Variants in RAB15 observed in about 807,000 individuals in gnomAD.
RAB15 encodes RAB15, member RAS oncogene family, also known as ras-related protein Rab-15.
In RAB15, 13 loss-of-function variants were observed where a neutral mutation model predicts 31.8. The ratio of observed to expected loss-of-function variants is 0.41; its 90% CI spans 0.27 to 0.65. The LOEUF (loss-of-function observed/expected upper bound fraction) is 0.65, where lower values mean the gene tolerates loss of function less well. Ranked by LOEUF, RAB15 falls within the 30% of genes least tolerant of loss-of-function variation. RAB15 has a pLI of 0.32. For synonymous variants in RAB15, 100 were observed against 105.6 expected (o/e 0.95, Z 0.33); for missense variants, 220 against 277.3 (o/e 0.79, Z 1.47).
At position 64,948,829 on chromosome 14, in the gene RAB15, G is replaced by T; in HGVS notation, c.415-96C>A. ...CTTCTGCCACTGCACTCACAACCAT[G>T]CTGTGTTGTGACGATTTCTCAGAGT... On this transcript the variant is annotated intron_variant, in intron 5 of 6. Transcript: ENST00000533601. This position sits in a 1 kb window ranked among gnomAD's most constrained non-coding sequence, Gnocchi z 7.0. 2 of 1,063,432 alleles carry T rather than the reference G, an allele frequency of 1.9e-6. No individual in the cohort carries two copies. Among genetic ancestry groups the T allele is most frequent in the East Asian group, 2.5e-5 (1 of 40,064 alleles). The allele number at this position is 1,063,432 out of a possible 1,614,324, so 65.9% of individuals were successfully genotyped here.
chr14:64,961,280 G>C (rs957293154), intron 1 of RAB15, among the ~76,000 whole-genome samples: 1 of 152,200 alleles, frequency 6.6e-6, no homozygotes, highest in South Asian at 2.1e-4. Flanking sequence ...GGTTGTGGCA[G>C]GAGGTCACCT....
rs372761807 is a variant in RAB15 at position 64,971,930 on chromosome 14, C to A, written c.124+23G>T. On this transcript the variant is annotated intron_variant, in intron 1 of 6. Transcript: ENST00000533601. The surrounding 1 kb of genome is among the most constrained non-coding windows in gnomAD (Gnocchi z 4.1). The stretch of plus-strand genomic sequence containing the variant: ...GGGGCCGCGGGCGGGGAGGGAGGGG[C>A]GCCCCGGGCCACCGCCCCTTACCGA... The A allele has an allele frequency of 3.2e-6, 5 of 1,546,742 alleles. No individual in the cohort carries two copies. In the African/African-American group the frequency reaches 6.9e-5, roughly 21 times the overall value.
Position 64,952,427 on chromosome 14 carries a change from G to A in RAB15, c.185+84C>T, listed in dbSNP as rs1886305879. On this transcript the variant is annotated intron_variant, in intron 2 of 6. Coordinates refer to ENST00000533601, the MANE Select transcript of RAB15 (RefSeq NM_001308154.2). The surrounding 1 kb of genome is among the most constrained non-coding windows in gnomAD (Gnocchi z 4.2). ...GCCAGTTATCCCAGGTGAAGCCTAGGAATTTTACACATGGCAGGGGCAGCT... is the reference window on the plus strand; with the variant it reads ...GCCAGTTATCCCAGGTGAAGCCTAGAAATTTTACACATGGCAGGGGCAGCT... The A allele has an allele frequency of 1.9e-6, 2 of 1,042,610 alleles. No homozygotes were observed. Among genetic ancestry groups the A allele is most frequent in the African/African-American group, 1.6e-5 (1 of 62,254 alleles). 64.6% of individuals were successfully genotyped at this position (1,042,610 alleles called of 1,614,324 possible).
In RAB15 at chr14:64,950,532, G is replaced by A. The variant is rs995388254; in HGVS notation, c.325-118C>T. 1.5e-5 allele frequency: 13 copies of A among 873,394 alleles called. No homozygotes were observed. Among genetic ancestry groups the A allele is most frequent in the Non-Finnish European group, 2.5e-5 (13 of 526,586 alleles). The allele number at this position is 873,394 out of a possible 1,614,324, so 54.1% of individuals were successfully genotyped here. On this transcript the variant is annotated intron_variant, in intron 4 of 6. Transcript: ENST00000533601. This position sits in a 1 kb window ranked among gnomAD's most constrained non-coding sequence, Gnocchi z 5.6. ...ATTCCAGAGCCCTAGGGACAGGGTG[G>A]GCCGACTGGATGCAGGTGCCAGGCT...
chr14:64,948,299 G>C lies in RAB15; in HGVS notation c.*55C>G. The C allele has an allele frequency of 6.9e-7, 1 of 1,442,792 alleles. No homozygotes were observed. The highest frequency in any genetic ancestry group is 9.1e-7 in the Non-Finnish European group (1 of 1,100,556). The allele number at this position is 1,442,792 out of a possible 1,614,324, so 89.4% of individuals were successfully genotyped here. The stretch of plus-strand genomic sequence containing the variant: ...GGGCAAAGCCCCGGCTCCCCTGTCT[G>C]CCCACGGGCCTCCTGAGGGAAGAGG... On this transcript the variant is annotated 3_prime_UTR_variant, in exon 7 of 7. Transcript: ENST00000533601. The surrounding 1 kb of genome is among the most constrained non-coding windows in gnomAD (Gnocchi z 7.0).
chr14:64,960,528 A>AGCCAGTTAGCCTATCTTT (rs1886800787), intron 1 of RAB15, among the ~76,000 whole-genome samples: 2 of 152,220 alleles, frequency 1.3e-5, no homozygotes, highest in Non-Finnish European at 2.9e-5. Flanking sequence ...GTGTTGGGGA[A>AGCCAGTTAGCCTATCTTT]GCCAGTTAGC....
chr14:64,961,373 CTG>C (rs1275045144), intron 1 of RAB15, among the ~76,000 whole-genome samples: 2 of 152,208 alleles, frequency 1.3e-5, no homozygotes, highest in Admixed American at 1.3e-4. Flanking sequence ...TATGGTTTGG[CTG>C]TGTCCTCACC....
intron 5 of RAB15, among the ~76,000 whole-genome samples, chr14:64,949,994 A>G (rs1186696585): frequency 6.6e-6 from 1 of 152,170 alleles, no homozygotes; most frequent in Non-Finnish European, 1.5e-5. Context: ...GGATGCTGTC[A>G]GAGAAGAGGT....
intron 1 of RAB15, among the ~76,000 whole-genome samples, chr14:64,959,221 C>A (rs920516404): frequency 1.3e-5 from 2 of 152,154 alleles, no homozygotes; most frequent in African/African-American, 4.8e-5. Context: ...GGGTCCAGAC[C>A]AGACTCCAAG....
rs1373348631 is a variant in RAB15 at position 64,953,290 on chromosome 14, T to A, written c.125-719A>T. 6.6e-6 allele frequency among the ~76,000 whole-genome samples: 1 copy of A among 152,218 alleles called. No individual in the cohort carries two copies. Among genetic ancestry groups the A allele is most frequent in the Non-Finnish European group, 1.5e-5 (1 of 68,026 alleles). ...GCACCTTGCTTCACTGAGCGTCCAT[T>A]TCTGCCTCAGTAAATATCTTCATCA... On this transcript the variant is annotated intron_variant, in intron 1 of 6. Transcript: ENST00000533601. This position sits in a 1 kb window ranked among gnomAD's most constrained non-coding sequence, Gnocchi z 4.6.
chr14:64,949,611 T>A (rs1886117375), intron 5 of RAB15, among the ~76,000 whole-genome samples: 1 of 151,292 alleles, frequency 6.6e-6, no homozygotes, highest in African/African-American at 2.4e-5. Flanking sequence ...TAATCTCAGC[T>A]ACTTGGGAGG....
Position 64,950,339 on chromosome 14 carries a change from C to T in RAB15, c.400G>A (p.Glu134Lys). 1.2e-6 allele frequency: 2 copies of T among 1,614,132 alleles called. No homozygotes were observed. The highest frequency in any genetic ancestry group is 2.2e-5 in the East Asian group (1 of 44,884). ...DEEQKRQVGR[E>K]QGQQLAKEYG... ...CCTCCACTTACCTGCTGCCCTTGCT[C>T]TCTTCCCACCTGCCGTTTCTGCTCC... Residue 134 changes from glutamate to lysine, a missense_variant, in exon 5 of 7, where the codon GAG (glutamate) becomes AAG (lysine). Transcript: ENST00000533601. This position sits in a 1 kb window ranked among gnomAD's most constrained non-coding sequence, Gnocchi z 5.6.
rs4902351 is a variant in RAB15 at position 64,955,773 on chromosome 14, C to G, written c.125-3202G>C. Among the ~76,000 whole-genome samples, 13,627 of 152,278 alleles carry G rather than the reference C, an allele frequency of 0.089. 800 individuals are homozygous for G. Among genetic ancestry groups the G allele is most frequent in the Non-Finnish European group, 0.12 (8,420 of 67,996 alleles). ...CATCTGGCCTCTTTTCGGTCATCAGCCCCACCTGGGTGCACACCCAGAGAG... is the reference window on the plus strand; with the variant it reads ...CATCTGGCCTCTTTTCGGTCATCAGGCCCACCTGGGTGCACACCCAGAGAG... On this transcript the variant is annotated intron_variant, in intron 1 of 6. Coordinates refer to ENST00000533601, the MANE Select transcript of RAB15 (RefSeq NM_001308154.2). The surrounding 1 kb of genome is among the most constrained non-coding windows in gnomAD (Gnocchi z 4.4).
chr14:64,960,229 C>A (rs944202550), intron 1 of RAB15, among the ~76,000 whole-genome samples: 5 of 152,192 alleles, frequency 3.3e-5, no homozygotes, highest in Non-Finnish European at 5.9e-5. Context: ...AGGCGAGACA[C>A]CCAGCACTCA....
chr14:64,957,334 C>G (rs910982445), intron 1 of RAB15, among the ~76,000 whole-genome samples: 1 of 152,114 alleles, frequency 6.6e-6, no homozygotes, highest in Non-Finnish European at 1.5e-5. Context: ...GCGTAGTCCT[C>G]TCACTCCTAC....
At chr14:64,965,797 G>A (rs1026561878) in intron 1 of RAB15, among the ~76,000 whole-genome samples, 1 of 152,222 alleles carries the variant, frequency 6.6e-6, no homozygotes, top group African/African-American at 2.4e-5. Flanking sequence ...AAACCAGGGA[G>A]TGCAGGTAGG....
Position 64,948,534 on chromosome 14 carries a change from T to G in RAB15, c.481-22A>C, listed in dbSNP as rs147549017. 67 of 1,602,448 alleles carry G rather than the reference T, an allele frequency of 4.2e-5. No homozygotes were observed. The highest frequency in any genetic ancestry group is 5.4e-5 in the Non-Finnish European group (63 of 1,173,768). On this transcript the variant is annotated intron_variant, in intron 6 of 6. Coordinates refer to ENST00000533601, the MANE Select transcript of RAB15 (RefSeq NM_001308154.2). The surrounding 1 kb of genome is among the most constrained non-coding windows in gnomAD (Gnocchi z 7.0). Reference sequence around the variant, plus strand: ...ATGACTGGAAACCAAAGGGCACAGGTTAGTCCAGTGTCTCCTCCTCTCCCC... The same window carrying G: ...ATGACTGGAAACCAAAGGGCACAGGGTAGTCCAGTGTCTCCTCCTCTCCCC...
Position 64,948,259 on chromosome 14 carries a change from G to A in RAB15, c.*95C>T, listed in dbSNP as rs1028866113. The A allele has an allele frequency of 5.0e-5, 66 of 1,317,270 alleles. No homozygotes were observed. Among genetic ancestry groups the A allele is most frequent in the Admixed American group, 1.5e-4 (5 of 34,124 alleles). The allele number at this position is 1,317,270 out of a possible 1,614,324, so 81.6% of individuals were successfully genotyped here. On this transcript the variant is annotated 3_prime_UTR_variant, in exon 7 of 7. Transcript: ENST00000533601. This position sits in a 1 kb window ranked among gnomAD's most constrained non-coding sequence, Gnocchi z 7.0. ...CTGATACTCAATAGGGTCATCACAC[G>A]AGAGGACAGCAGCAGGGCAAAGCCC...
chr14:64,972,262 T>TGCGGCGGGAGCCCGGC lies in RAB15; in HGVS notation c.-202_-187dup, dbSNP rs1360943455. 4.3e-6 allele frequency: 1 copy of TGCGGCGGGAGCCCGGC among 232,258 alleles called. No homozygotes were observed. The highest frequency in any genetic ancestry group is 1.8e-4 in the East Asian group (1 of 5,466). 14.4% of individuals were successfully genotyped at this position (232,258 alleles called of 1,614,324 possible). On this transcript the variant is annotated 5_prime_UTR_variant, in exon 1 of 7. Coordinates refer to ENST00000533601, the MANE Select transcript of RAB15 (RefSeq NM_001308154.2). This position sits in a 1 kb window ranked among gnomAD's most constrained non-coding sequence, Gnocchi z 6.3. ...CTCGCTGGGTGCCGGGAAGCGCGGC[T>TGCGGCGGGAGCCCGGC]GCGGCGGGAGCCCGGCGCGGCGCCC... is the stretch of plus-strand genomic sequence containing the variant.
Sources: allele counts gnomAD v4.1 joint callset (sites outside exome capture counted in the v4.1 genomes callset), GRCh38; gene constraint gnomAD v4.1.1; non-coding constraint Gnocchi (gnomAD v3.1); transcripts MANE v1.5; gene names NCBI Gene and HGNC (gene_info 2026-07-23, HGNC 2026-07-21).